Variants in TMEM120B observed in about 807,000 individuals in gnomAD.
TMEM120B encodes the protein transmembrane protein 120B.
A neutral mutation model predicts 55.5 loss-of-function variants in TMEM120B; 31 were observed. The ratio of observed to expected loss-of-function variants is 0.56; its 90% confidence interval spans 0.42 to 0.75. The LOEUF (loss-of-function observed/expected upper bound fraction) is 0.75, where lower values mean the gene tolerates loss of function less well. Ranked by LOEUF, TMEM120B falls within the 30% of genes least tolerant of loss-of-function variation. The pLI is 0.00. For synonymous variants in TMEM120B, 203 were observed against 176.3 expected (o/e 1.15, Z -1.20); for missense variants, 399 against 425.5 (o/e 0.94, Z 0.55).
intron 2 of TMEM120B, among the ~76,000 whole-genome samples, chr12:121,747,807 C>T (rs1183273193): frequency 9.5e-4 from 1 of 1,048 alleles, no homozygotes. Flanking sequence ...GGGTAGAAGG[C>T]GGGAGGCTGG....
chr12:121,770,825 C>A, intron 6 of TMEM120B, 82 bp from the exon 7 acceptor site: 1 of 1,303,604 alleles, frequency 7.7e-7, no homozygotes, highest in Non-Finnish European at 1.1e-6. Flanking sequence ...GTAACCCCTG[C>A]TGCATAGGTG....
At chr12:121,750,120 T>G (rs1873229404) in intron 3 of TMEM120B, among the ~76,000 whole-genome samples, 1 of 152,018 alleles carries the variant, frequency 6.6e-6, no homozygotes, top group Non-Finnish European at 1.5e-5. Flanking sequence ...CACATCTGGC[T>G]GCAAGGCAGG....
At chr12:121,772,109 T>G (rs55779572) in intron 8 of TMEM120B, among the ~76,000 whole-genome samples, 225 of 147,422 alleles carry the variant, frequency 1.5e-3, no homozygotes, top group Non-Finnish European at 2.7e-3. Context: ...CTTTCTCTCT[T>G]TCTCTCTCTC....
Position 121,743,752 on chromosome 12 carries a change from G to A in TMEM120B, c.188+5G>A, listed in dbSNP as rs1873001997. ...CTTGAAGCTTACACTCCAGAGGTAG[G>A]TGCAGCTGTAGCCCGGGGGCTGCCC... On this transcript the variant is annotated splice_donor_5th_base_variant and intron_variant, in intron 2 of 11. Transcript: ENST00000449592. The A allele has an allele frequency of 6.2e-7, 1 of 1,607,074 alleles. No individual in the cohort carries two copies. Among genetic ancestry groups the A allele is most frequent in the African/African-American group, 1.3e-5 (1 of 74,856 alleles).
chr12:121,781,482 A>C lies in TMEM120B; in HGVS notation c.*5760A>C. 2 of 344,082 alleles carry C rather than the reference A, an allele frequency of 5.8e-6. No homozygotes were observed. Among genetic ancestry groups the C allele is most frequent in the Non-Finnish European group, 5.5e-6 (1 of 180,946 alleles). The allele number at this position is 344,082 out of a possible 1,614,324, so 21.3% of individuals were successfully genotyped here. On this transcript the variant is annotated 3_prime_UTR_variant, in exon 12 of 12. Coordinates refer to ENST00000449592, the MANE Select transcript of TMEM120B (RefSeq NM_001080825.2). ...CGAGACCCTGTCTCTTAACAACAAA[A>C]CCCATGAGCGGCAGCCCCCCAGTCC...
chr12:121,738,539 G>C (rs1458989971), intron 1 of TMEM120B, among the ~76,000 whole-genome samples: 4 of 152,108 alleles, frequency 2.6e-5, no homozygotes, highest in Non-Finnish European at 5.9e-5. Context: ...CTCCACCTCT[G>C]TCCTCCTTGT....
At position 121,741,213 on chromosome 12, in the gene TMEM120B, A is replaced by G. The variant is rs563304388; in HGVS notation, c.70-2416A>G. Reference sequence around the variant, plus strand: ...AAAAAGAACACACAGGCAGGCACACATACATGGGGGATAAAGCAAATACAG... The same window carrying G: ...AAAAAGAACACACAGGCAGGCACACGTACATGGGGGATAAAGCAAATACAG... On this transcript the variant is annotated intron_variant, in intron 1 of 11. Transcript: ENST00000449592. Among the ~76,000 whole-genome samples the G allele has an allele frequency of 9.2e-5, 14 of 152,324 alleles. No homozygotes were observed. In the East Asian group the frequency reaches 1.3e-3, roughly 15 times the overall value.
intron 1 of TMEM120B, among the ~76,000 whole-genome samples, chr12:121,735,836 G>T (rs1895099463): frequency 6.6e-6 from 1 of 151,950 alleles, no homozygotes; most frequent in African/African-American, 2.4e-5. Flanking sequence ...GATTACAGGC[G>T]CATACCACCA....
intron 1 of TMEM120B, among the ~76,000 whole-genome samples, chr12:121,716,793 C>T (rs1392681093): frequency 6.6e-6 from 1 of 152,052 alleles, no homozygotes; most frequent in South Asian, 2.1e-4. Flanking sequence ...GAACTCCTGA[C>T]CTCGTGATCC....
rs1415047062 is a variant in TMEM120B at position 121,779,360 on chromosome 12, C to G, written c.*3638C>G. The stretch of plus-strand genomic sequence containing the variant: ...GCCCCAGCCAGGAAAGGAGAGAGTT[C>G]CAGAATGTTCCAAGAGTCTAGCCGC... On this transcript the variant is annotated 3_prime_UTR_variant, in exon 12 of 12. Transcript: ENST00000449592. 1.7e-5 allele frequency: 15 copies of G among 906,424 alleles called. No homozygotes were observed. The highest frequency in any genetic ancestry group is 2.6e-5 in the East Asian group (1 of 37,972). The allele number at this position is 906,424 out of a possible 1,614,324, so 56.1% of individuals were successfully genotyped here.
At chr12:121,761,287 C>G (rs1189565165) in intron 5 of TMEM120B, among the ~76,000 whole-genome samples, 3 of 152,112 alleles carry the variant, frequency 2.0e-5, no homozygotes, top group African/African-American at 7.2e-5. Context: ...CCAAGTCTCC[C>G]GTTCTTAAAG....
At chr12:121,745,375 T>A (rs528870375) in intron 2 of TMEM120B, among the ~76,000 whole-genome samples, 3 of 152,352 alleles carry the variant, frequency 2.0e-5, no homozygotes, top group South Asian at 2.1e-4. Flanking sequence ...TTCTATTTTT[T>A]AAAATTATTT....
At chr12:121,744,341 G>A (rs1873021029) in intron 2 of TMEM120B, among the ~76,000 whole-genome samples, 1 of 152,244 alleles carries the variant, frequency 6.6e-6, no homozygotes, top group African/African-American at 2.4e-5. Flanking sequence ...GCAGCGCCAT[G>A]CCGTGTGCTA....
chr12:121,724,527 G>A (rs1199211129), intron 1 of TMEM120B, among the ~76,000 whole-genome samples: 1 of 150,522 alleles, frequency 6.6e-6, no homozygotes, highest in Non-Finnish European at 1.5e-5. Context: ...ATTAAATGAT[G>A]TTATGTCTTT....
intron 1 of TMEM120B, among the ~76,000 whole-genome samples, chr12:121,719,995 C>T (rs755831555): frequency 1.1e-4 from 17 of 152,130 alleles, no homozygotes; most frequent in Non-Finnish European, 2.2e-4. Context: ...CCACCTTGCC[C>T]GGCCCACACT....
intron 9 of TMEM120B, 129 bp from the exon 10 acceptor site, chr12:121,774,529 A>AC (rs1874171012): frequency 8.6e-6 from 7 of 817,564 alleles, no homozygotes; most frequent in African/African-American, 1.7e-5. Context: ...GTGAGGGCTG[A>AC]CCCCCCGCAT....
chr12:121,751,900 C>A (rs1034522134), intron 4 of TMEM120B, among the ~76,000 whole-genome samples: 2 of 152,218 alleles, frequency 1.3e-5, no homozygotes, highest in Non-Finnish European at 2.9e-5. Flanking sequence ...GGGCCCAGAG[C>A]CCCAGACCAG....
chr12:121,721,415 G>A (rs973280910), intron 1 of TMEM120B, among the ~76,000 whole-genome samples: 5 of 151,796 alleles, frequency 3.3e-5, no homozygotes, highest in Non-Finnish European at 5.9e-5. Context: ...CTGGCCTCAA[G>A]CATTCCTCCC....
chr12:121,775,050 C>T lies in TMEM120B; in HGVS notation c.838-12C>T. On this transcript the variant is annotated splice_polypyrimidine_tract_variant and intron_variant, in intron 10 of 11. Coordinates refer to ENST00000449592, the MANE Select transcript of TMEM120B (RefSeq NM_001080825.2). The surrounding 1 kb of genome is among the most constrained non-coding windows in gnomAD (Gnocchi z 4.3). ...AGTCTGGTGGGTGAGCAGCGCCTGC[C>T]TTCCTCTCCAGTTCTGGCAGCTCTA... 6.2e-7 allele frequency: 1 copy of T among 1,612,890 alleles called. No homozygotes were observed.
Sources: gnomAD v4.1 joint callset for allele counts (sites outside exome capture counted in the v4.1 genomes callset) on GRCh38, gnomAD v4.1.1 for gene constraint, Gnocchi (gnomAD v3.1) non-coding constraint, MANE v1.5 for transcripts, NCBI Gene and HGNC (gene_info 2026-07-23, HGNC 2026-07-21) for gene names.